Variants in CFAP99 observed in about 807,000 individuals in gnomAD.
CFAP99 encodes the protein cilia- and flagella-associated protein 99.
Under a neutral mutation model 82.7 loss-of-function variants are expected in CFAP99, and 84 were observed. That is an observed-to-expected ratio of 1.02 (90% CI 0.85 to 1.22). The LOEUF (loss-of-function observed/expected upper bound fraction) is 1.22. Ranked by LOEUF, CFAP99 falls within the 50% of genes most tolerant of loss-of-function variation. CFAP99 has a pLI of 0.00. For synonymous variants in CFAP99, 456 were observed against 429.5 expected (o/e 1.06, Z -0.76); for missense variants, 1,059 against 983.5 (o/e 1.08, Z -1.03).
intron 5 of CFAP99, among the ~76,000 whole-genome samples, chr4:2,443,595 G>A (rs1223349638): frequency 2.0e-5 from 3 of 152,212 alleles, no homozygotes; most frequent in Non-Finnish European, 4.4e-5. Context: ...CTGGGGCTGC[G>A]TCAGTGGTTC....
intron 5 of CFAP99, among the ~76,000 whole-genome samples, chr4:2,444,550 G>A (rs1734120200): frequency 6.6e-6 from 1 of 152,100 alleles, no homozygotes; most frequent in African/African-American, 2.4e-5. Flanking sequence ...TGCCCATGCT[G>A]GGTGTGGGAC....
At chr4:2,431,959 C>T (rs761728879) in intron 2 of CFAP99, among the ~76,000 whole-genome samples, 1 of 152,184 alleles carries the variant, frequency 6.6e-6, no homozygotes, top group Admixed American at 6.5e-5. Flanking sequence ...TCACTTTGAA[C>T]CATCTGTTCG....
At chr4:2,459,711 C>T (rs1560391292) in intron 13 of CFAP99, among the ~76,000 whole-genome samples, 2 of 152,312 alleles carry the variant, frequency 1.3e-5, no homozygotes, top group East Asian at 3.9e-4. Flanking sequence ...AGCTGCAGGG[C>T]CTGGCCCAGC....
At chr4:2,451,550 C>T (rs986992297) in intron 10 of CFAP99, among the ~76,000 whole-genome samples, 198 bp downstream of exon 10, 7 of 152,134 alleles carry the variant, frequency 4.6e-5, no homozygotes, top group East Asian at 3.9e-4. Flanking sequence ...ATCATGCCGG[C>T]TCAGTGAGGG....
chr4:2,443,007 G>GGGCA (rs1360784522), intron 4 of CFAP99, 123 bp from the exon 5 acceptor site: 4 of 391,158 alleles, frequency 1.0e-5, no homozygotes, highest in Admixed American at 8.3e-5. Context: ...GGGGCCTTGG[G>GGGCA]GGGAGCCACT....
Position 2,462,191 on chromosome 4 carries a change from A to T in CFAP99, c.1662-252A>T. 5.4e-6 allele frequency: 2 copies of T among 371,366 alleles called. No homozygotes were observed. Among genetic ancestry groups the T allele is most frequent in the East Asian group, 8.5e-5 (2 of 23,588 alleles). 23.0% of individuals were successfully genotyped at this position (371,366 alleles called of 1,614,324 possible). On this transcript the variant is annotated intron_variant, in intron 14 of 14. Coordinates refer to ENST00000635017, the Ensembl canonical transcript of CFAP99. The surrounding 1 kb of genome is among the most constrained non-coding windows in gnomAD (Gnocchi z 4.1). ...AACAAACAACAACAACAAAAATTAA[A>T]GAAAAGAAAAAAAGAGCAAAAGGGT...
At chr4:2,456,049 T>A (rs1359602457) in intron 11 of CFAP99, among the ~76,000 whole-genome samples, 1 of 152,200 alleles carries the variant, frequency 6.6e-6, no homozygotes, top group East Asian at 1.9e-4. Context: ...AGAGGAGAGA[T>A]GTTTGGGGTC....
chr4:2,452,939 C>T (rs1449680213), intron 11 of CFAP99, among the ~76,000 whole-genome samples: 1 of 151,956 alleles, frequency 6.6e-6, no homozygotes, highest in African/African-American at 2.4e-5. Flanking sequence ...GGTGCGTGCC[C>T]GTAGTGCCAC....
Position 2,462,939 on chromosome 4 carries a change from G to A in CFAP99, c.*13G>A, listed in dbSNP as rs1734669091. On this transcript the variant is annotated 3_prime_UTR_variant, in exon 15 of 15. Coordinates refer to ENST00000635017, the Ensembl canonical transcript of CFAP99. The surrounding 1 kb of genome is among the most constrained non-coding windows in gnomAD (Gnocchi z 4.1). Reference sequence around the variant, plus strand: ...GGAGGCCGCCTGAGCCGGGCCGAGCGCGCCCCACCCGCTTGCGGGCCACCC... The same window carrying A: ...GGAGGCCGCCTGAGCCGGGCCGAGCACGCCCCACCCGCTTGCGGGCCACCC... 1 of 1,268,642 alleles carries A rather than the reference G, an allele frequency of 7.9e-7. No homozygotes were observed. The allele number at this position is 1,268,642 out of a possible 1,614,324, so 78.6% of individuals were successfully genotyped here.
chr4:2,437,008 C>T (rs567422022), exon 3 of CFAP99: 1 of 1,536,046 alleles, frequency 6.5e-7, no homozygotes, highest in African/African-American at 1.4e-5. Flanking sequence ...TTGACCACAG[C>T]CGCTTCGAGG....
chr4:2,424,585 G>T (rs954146649), intron 1 of CFAP99, among the ~76,000 whole-genome samples: 4 of 152,180 alleles, frequency 2.6e-5, no homozygotes, highest in African/African-American at 9.7e-5. Context: ...CCCTAACTGT[G>T]CAGCTAAACC....
chr4:2,434,638 G>A (rs566640764), intron 2 of CFAP99, among the ~76,000 whole-genome samples: 1 of 152,220 alleles, frequency 6.6e-6, no homozygotes, highest in Non-Finnish European at 1.5e-5. Flanking sequence ...CCACCACATC[G>A]GGTGGGACAG....
At chr4:2,445,259 G>C (rs1057239615) in exon 6 of CFAP99, 4 of 1,413,946 alleles carry the variant, frequency 2.8e-6, no homozygotes, top group Non-Finnish European at 3.7e-6. Context: ...CCCAGGCCCC[G>C]CACCATTCCA....
intron 11 of CFAP99, 64 bp downstream of exon 11, chr4:2,452,410 T>G: frequency 6.7e-7 from 1 of 1,497,758 alleles, no homozygotes; most frequent in Middle Eastern, 2.3e-4. Flanking sequence ...CACCGGGAGC[T>G]GCAGGGCCAG....
intron 11 of CFAP99, among the ~76,000 whole-genome samples, chr4:2,452,940 G>A (rs895406245): frequency 4.6e-5 from 7 of 152,068 alleles, no homozygotes; most frequent in African/African-American, 1.2e-4. Context: ...GTGCGTGCCC[G>A]TAGTGCCACC....
intron 14 of CFAP99, among the ~76,000 whole-genome samples, chr4:2,461,374 C>T (rs980040195): frequency 3.9e-5 from 6 of 152,282 alleles, no homozygotes; most frequent in African/African-American, 1.4e-4. Flanking sequence ...GATGGCGGGG[C>T]GGACAGAAGG....
intron 1 of CFAP99, among the ~76,000 whole-genome samples, chr4:2,423,861 A>G (rs1733631850): frequency 7.1e-6 from 1 of 141,622 alleles, no homozygotes; most frequent in Admixed American, 7.0e-5. Context: ...ACCTCCAGGC[A>G]GCCTTGCTGG....
rs780593065 is a variant in CFAP99, at chr4:2,443,249, T to G, written c.464+7T>G. ...GGATCGACCCCCTGATGAGGTAGGC[T>G]GGATGGGGGGCTCTGGGGGCCCTGA... On this transcript the variant is annotated splice_region_variant and intron_variant, in intron 5 of 14. Transcript: ENST00000635017. 7 of 1,517,842 alleles carry G rather than the reference T, an allele frequency of 4.6e-6. No individual in the cohort carries two copies. The highest frequency in any genetic ancestry group is 6.2e-6 in the Non-Finnish European group (7 of 1,130,518). 94.0% of individuals were successfully genotyped at this position (1,517,842 alleles called of 1,614,324 possible).
intron 2 of CFAP99, 46 bp downstream of exon 2, chr4:2,426,632 G>A (rs1733691110): frequency 1.6e-6 from 2 of 1,220,466 alleles, no homozygotes; most frequent in East Asian, 2.5e-5. Context: ...AATGGCACCT[G>A]TTGTGCAGCT....
Sources: gnomAD v4.1 joint callset for allele counts (sites outside exome capture counted in the v4.1 genomes callset) on GRCh38, gnomAD v4.1.1 for gene constraint, Gnocchi (gnomAD v3.1) non-coding constraint, MANE v1.5 for transcripts, NCBI Gene and HGNC (gene_info 2026-07-23, HGNC 2026-07-21) for gene names.